APBB2: variants seen among roughly 807,000 people sequenced by gnomAD.
APBB2 encodes the protein amyloid beta precursor protein binding family B member 2.
APBB2 carries 38 observed loss-of-function variants against 82.5 expected under a neutral mutation model. The observed-to-expected ratio is 0.46, with a 90% CI of 0.36 to 0.60. The LOEUF is 0.60. Ranked by LOEUF, APBB2 falls within the 20% of genes least tolerant of loss-of-function variation. The probability of loss-of-function intolerance (pLI) is 0.00; values close to 1 mark genes in which losing one functional copy is unlikely to be tolerated. For missense variants in APBB2, 772 were observed against 972.3 expected, an observed-to-expected ratio of 0.79 and a Z score of 2.74; for synonymous variants, 341 against 368.2, an observed-to-expected ratio of 0.93 and a Z score of 0.85.
intron 1 of APBB2, among the ~76,000 whole-genome samples, chr4:41,171,813 TA>T (rs1229796511): frequency 3.3e-5 from 5 of 150,792 alleles, no homozygotes; most frequent in African/African-American, 1.2e-4. Flanking sequence ...ACAAAAAAAT[TA>T]GCTGGGCGTG....
At chr4:40,935,214 A>C in intron 7 of APBB2, 75 bp from the exon 8 acceptor site, 11 of 841,170 alleles carry the variant, frequency 1.3e-5, no homozygotes, top group Non-Finnish European at 2.0e-5. Flanking sequence ...AAAAAAAAAA[A>C]CACAAGACAC....
chr4:41,061,316 C>G (rs975730117), intron 4 of APBB2, among the ~76,000 whole-genome samples: 12 of 152,282 alleles, frequency 7.9e-5, no homozygotes, highest in African/African-American at 2.2e-4. Flanking sequence ...CATCGTTGGG[C>G]GATTTCATTG....
At chr4:41,128,269 A>T (rs1227228416) in intron 2 of APBB2, among the ~76,000 whole-genome samples, 1 of 152,216 alleles carries the variant, frequency 6.6e-6, no homozygotes, top group Non-Finnish European at 1.5e-5. Flanking sequence ...AAAAAACAAC[A>T]GATGCTGGTG....
intron 10 of APBB2, among the ~76,000 whole-genome samples, chr4:40,919,795 T>C (rs2154367508): frequency 6.6e-6 from 1 of 152,324 alleles, no homozygotes; most frequent in Non-Finnish European, 1.5e-5. Context: ...CAACACGTCT[T>C]GTTTCATCTT....
chr4:40,873,922 G>A (rs1766196521), intron 12 of APBB2, among the ~76,000 whole-genome samples: 2 of 152,142 alleles, frequency 1.3e-5, no homozygotes, highest in African/African-American at 4.8e-5. Context: ...ACACTCATTG[G>A]TTAATGGGGC....
At position 40,850,003 on chromosome 4, in the gene APBB2, C is replaced by T. The variant is rs188316791; in HGVS notation, c.1530-19426G>A. On this transcript the variant is annotated intron_variant, in intron 12 of 17. Transcript: ENST00000508593. ...CCTCCCAAAGTGCTGGGATTACAGG[C>T]GTGAGCCACCGTGCCCTGCTACTCA... 4.0e-3 allele frequency among the ~76,000 whole-genome samples: 612 copies of T among 152,296 alleles called. 8 individuals carry two copies. The highest frequency in any genetic ancestry group is 0.012 in the African/African-American group (499 of 41,568).
intron 6 of APBB2, among the ~76,000 whole-genome samples, chr4:41,009,673 CT>C (rs1194646672): frequency 6.7e-6 from 1 of 149,630 alleles, no homozygotes; most frequent in Non-Finnish European, 1.5e-5. Flanking sequence ...ACACACACCA[CT>C]GTGATGACTA....
intron 6 of APBB2, among the ~76,000 whole-genome samples, chr4:40,947,251 A>G (rs1484667665): frequency 6.6e-6 from 1 of 152,234 alleles, no homozygotes; most frequent in Non-Finnish European, 1.5e-5. Flanking sequence ...CCCTCGTCCC[A>G]TTCTAGTGGC....
rs1393211271 is a variant in APBB2 at position 40,934,453 on chromosome 4, A to C, written c.1254+3T>G. ...TGGTGGCTGAAAGCAAGTCTTTACAAACCTTGGCTTCTGGGTCACTGTTGA... is the reference window on the plus strand; with the variant it reads ...TGGTGGCTGAAAGCAAGTCTTTACACACCTTGGCTTCTGGGTCACTGTTGA... On this transcript the variant is annotated splice_donor_region_variant and intron_variant, in intron 10 of 17. Coordinates refer to ENST00000508593, the MANE Select transcript of APBB2 (RefSeq NM_004307.2). 1.2e-6 allele frequency: 2 copies of C among 1,613,768 alleles called. No individual in the cohort carries two copies. Among genetic ancestry groups the C allele is most frequent in the Admixed American group, 3.3e-5 (2 of 59,998 alleles).
intron 12 of APBB2, among the ~76,000 whole-genome samples, chr4:40,879,359 T>C (rs775791309): frequency 2.8e-4 from 43 of 152,068 alleles, no homozygotes; most frequent in Non-Finnish European, 4.7e-4. Flanking sequence ...TTCTCATTTT[T>C]CTCTGTTAAA....
At chr4:41,213,147 GTGTT>G (rs538841288) in intron 1 of APBB2, among the ~76,000 whole-genome samples, 17 of 151,268 alleles carry the variant, frequency 1.1e-4, no homozygotes, top group Admixed American at 3.3e-4. Context: ...AACTGCCATT[GTGTT>G]TGTTTTTTTT....
At chr4:41,123,335 G>C (rs781228497) in intron 2 of APBB2, among the ~76,000 whole-genome samples, 2 of 152,196 alleles carry the variant, frequency 1.3e-5, no homozygotes, top group Non-Finnish European at 2.9e-5. Context: ...AAGAACAGCT[G>C]GTCCACTTTC....
intron 1 of APBB2, among the ~76,000 whole-genome samples, chr4:41,183,412 A>G (rs746672018): frequency 2.0e-5 from 3 of 152,224 alleles, no homozygotes; most frequent in Non-Finnish European, 4.4e-5. Context: ...CTTAACCTCC[A>G]GTACCACAGA....
chr4:40,945,141 C>A, intron 6 of APBB2, 68 bp from the exon 7 acceptor site: 2 of 1,240,910 alleles, frequency 1.6e-6, no homozygotes, highest in South Asian at 1.2e-5. Flanking sequence ...CAGCACTATT[C>A]GTCAGGTGAA....
At chr4:41,165,934 C>T (rs565096680) in intron 1 of APBB2, among the ~76,000 whole-genome samples, 1 of 143,350 alleles carries the variant, frequency 7.0e-6, no homozygotes, top group South Asian at 2.2e-4. Flanking sequence ...AGTGCAGTGG[C>T]GCGATCTCCA....
intron 6 of APBB2, among the ~76,000 whole-genome samples, chr4:40,954,813 A>C (rs911070125): frequency 1.3e-5 from 2 of 152,050 alleles, no homozygotes; most frequent in Non-Finnish European, 2.9e-5. Flanking sequence ...ATAGGCACAC[A>C]CCATCACACC....
Position 40,846,903 on chromosome 4 carries a change from C to T in APBB2, c.1530-16326G>A, listed in dbSNP as rs570354127. Among the ~76,000 whole-genome samples, 687 of 151,934 alleles carry T rather than the reference C, an allele frequency of 4.5e-3. 6 individuals are homozygous for T. Among genetic ancestry groups the T allele is most frequent in the African/African-American group, 0.016 (653 of 41,430 alleles). Reference sequence around the variant, plus strand: ...TTTGAAGACTTTAAGCAAGAATTAACGAGCTTCAGCTTTCATCTGTGCTAT... The same window carrying T: ...TTTGAAGACTTTAAGCAAGAATTAATGAGCTTCAGCTTTCATCTGTGCTAT... On this transcript the variant is annotated intron_variant, in intron 12 of 17. Coordinates refer to ENST00000508593, the MANE Select transcript of APBB2 (RefSeq NM_004307.2).
chr4:40,820,263 C>T (rs1747382330), intron 17 of APBB2, among the ~76,000 whole-genome samples: 1 of 152,256 alleles, frequency 6.6e-6, no homozygotes, highest in South Asian at 2.1e-4. Context: ...CCTCCTCTCT[C>T]CCATCTGCAG....
intron 4 of APBB2, among the ~76,000 whole-genome samples, chr4:41,049,253 T>G (rs1325274906): frequency 2.8e-5 from 4 of 144,562 alleles, no homozygotes; most frequent in Non-Finnish European, 6.0e-5. Flanking sequence ...GTCTGGGAGG[T>G]GAGGAGCGTC....
Sources: gnomAD v4.1 joint callset for allele counts (sites outside exome capture counted in the v4.1 genomes callset) on GRCh38, gnomAD v4.1.1 for gene constraint, MANE v1.5 for transcripts, NCBI Gene and HGNC (gene_info 2026-07-23, HGNC 2026-07-21) for gene names.